The following WDR43 variants were observed in gnomAD, a reference collection of about 807,000 sequenced individuals.
WDR43 encodes the protein WD repeat-containing protein 43.
WDR43 carries 13 observed loss-of-function variants against 91.4 expected under a neutral mutation model. The ratio of observed to expected loss-of-function variants is 0.14; its 90% CI spans 0.09 to 0.23. The LOEUF (loss-of-function observed/expected upper bound fraction) is 0.23. Ranked by LOEUF, WDR43 falls within the 10% of genes least tolerant of loss-of-function variation. WDR43 has a pLI of 1.00. For missense variants in WDR43, 780 were observed against 809.4 expected (o/e 0.96, Z 0.44); for synonymous variants, 331 against 287.9 (o/e 1.15, Z -1.51).
chr2:28,908,288 A>G (rs1670723488), intron 3 of WDR43, among the ~76,000 whole-genome samples: 1 of 152,222 alleles, frequency 6.6e-6, no homozygotes, highest in African/African-American at 2.4e-5. Context: ...GATAAGACCC[A>G]GCAGACAGGG....
rs2148203288 is a variant in WDR43, at chr2:28,946,929, C to G, written c.*150C>G. 5.3e-6 allele frequency: 4 copies of G among 759,888 alleles called. No individual in the cohort carries two copies. Among genetic ancestry groups the G allele is most frequent in the East Asian group, 2.7e-5 (1 of 36,632 alleles). The allele number at this position is 759,888 out of a possible 1,614,324, so 47.1% of individuals were successfully genotyped here. A position where few individuals can be genotyped will look rare whatever the true frequency, so the allele number is the denominator to read the frequency against. On this transcript the variant is annotated 3_prime_UTR_variant, in exon 18 of 18. Coordinates refer to ENST00000407426, the MANE Select transcript of WDR43 (RefSeq NM_015131.3). ...ATGCCACTTTGCTGTCCTGAGCACC[C>G]CAGACTTGACTGTGTAAATAAGAGT...
In WDR43 at chr2:28,924,834, G is replaced by C. The variant is rs896584455; in HGVS notation, c.915-148G>C. 3.5e-5 allele frequency: 28 copies of C among 805,236 alleles called. 1 individual carries two copies. In the South Asian group the frequency reaches 4.9e-4, roughly 14 times the overall value. The allele number at this position is 805,236 out of a possible 1,614,324, so 49.9% of individuals were successfully genotyped here. A position where few individuals can be genotyped will look rare whatever the true frequency, so the allele number is the denominator to read the frequency against. ...AGAGGTAGGTGAGGTCTTGAAAGGAGTACTCATGCTCCGGAGACCCAGGTG... is the reference window on the plus strand; with the variant it reads ...AGAGGTAGGTGAGGTCTTGAAAGGACTACTCATGCTCCGGAGACCCAGGTG... On this transcript the variant is annotated intron_variant, in intron 7 of 17. Coordinates refer to ENST00000407426, the MANE Select transcript of WDR43 (RefSeq NM_015131.3).
chr2:28,926,982 T>C (rs1273466442), intron 9 of WDR43: 1 of 496,346 alleles, frequency 2.0e-6, no homozygotes, highest in East Asian at 5.6e-5. Context: ...AGGAGCATCA[T>C]CATGGTGCTC....
chr2:28,925,485 G>A (rs1265962861), intron 8 of WDR43, among the ~76,000 whole-genome samples: 1 of 152,190 alleles, frequency 6.6e-6, no homozygotes, highest in Non-Finnish European at 1.5e-5. Flanking sequence ...TGTTCCTAGT[G>A]TCTTACTAGT....
intron 3 of WDR43, among the ~76,000 whole-genome samples, chr2:28,909,964 A>C (rs1199002684): frequency 6.6e-6 from 1 of 152,218 alleles, no homozygotes; most frequent in East Asian, 1.9e-4. Context: ...AAGCCGTCAA[A>C]TGCCAATATG....
intron 9 of WDR43, chr2:28,927,001 A>G (rs572167044): frequency 1.8e-5 from 9 of 506,914 alleles, no homozygotes; most frequent in African/African-American, 7.7e-5. Flanking sequence ...TCCATTTTGC[A>G]TATAACTTGG....
chr2:28,914,034 A>G, intron 4 of WDR43, 35 bp from the exon 5 acceptor site: 1 of 1,609,256 alleles, frequency 6.2e-7, no homozygotes, highest in Non-Finnish European at 8.5e-7. Context: ...CCTGCTTTGA[A>G]TCTGCTCTCC....
At chr2:28,934,552 T>G (rs988548799) in intron 11 of WDR43, among the ~76,000 whole-genome samples, 2 of 152,218 alleles carry the variant, frequency 1.3e-5, no homozygotes, top group African/African-American at 4.8e-5. Flanking sequence ...TGAGGCTGAC[T>G]CCTCTGTTTA....
In WDR43 at chr2:28,912,583, A is replaced by T; in HGVS notation, c.486-7A>T. 5.0e-6 allele frequency: 8 copies of T among 1,611,140 alleles called. No individual in the cohort carries two copies. The highest frequency in any genetic ancestry group is 6.8e-6 in the Non-Finnish European group (8 of 1,178,152). ...TTGAGATGCTTTTTTTTCTCTTCAC[A>T]ATATAGCAAATGGAAAGGCGACAAT... is the stretch of plus-strand genomic sequence containing the variant. On this transcript the variant is annotated splice_polypyrimidine_tract_variant and splice_region_variant and intron_variant, in intron 3 of 17. Transcript: ENST00000407426.
At chr2:28,899,215 T>C (rs1200383664) in intron 1 of WDR43, among the ~76,000 whole-genome samples, 1 of 152,242 alleles carries the variant, frequency 6.6e-6, no homozygotes, top group Admixed American at 6.5e-5. Context: ...ACTTAATATA[T>C]TTATCTGTAT....
chr2:28,923,730 G>A (rs1319584124), intron 7 of WDR43, among the ~76,000 whole-genome samples: 2 of 152,034 alleles, frequency 1.3e-5, no homozygotes, highest in Non-Finnish European at 2.9e-5. Context: ...GCTCCTATAG[G>A]TAACTGTTAA....
intron 7 of WDR43, among the ~76,000 whole-genome samples, 179 bp downstream of exon 7, chr2:28,923,162 A>G (rs535430628): frequency 6.6e-6 from 1 of 152,312 alleles, no homozygotes; most frequent in African/African-American, 2.4e-5. Context: ...TCAAATTTAT[A>G]TATTTGTGAT....
Position 28,914,311 on chromosome 2 carries a change from A to T in WDR43, c.746+103A>T, listed in dbSNP as rs1670865333. The T allele has an allele frequency of 2.2e-6, 3 of 1,338,030 alleles. No homozygotes were observed. The Admixed American group carries it at 9.1e-5, about 40-fold the overall frequency. 82.9% of individuals were successfully genotyped at this position (1,338,030 alleles called of 1,614,324 possible). A position where few individuals can be genotyped will look rare whatever the true frequency, so the allele number is the denominator to read the frequency against. On this transcript the variant is annotated intron_variant, in intron 5 of 17. Transcript: ENST00000407426. ...TATGGGACTTTATTTGTTGTATCTAATGTTGGATTTACATTGAGTCATAAT... is the reference window on the plus strand; with the variant it reads ...TATGGGACTTTATTTGTTGTATCTATTGTTGGATTTACATTGAGTCATAAT...
Position 28,917,873 on chromosome 2 carries a change from T to A in WDR43, c.747-20T>A. On this transcript the variant is annotated intron_variant, in intron 5 of 17. Coordinates refer to ENST00000407426, the MANE Select transcript of WDR43 (RefSeq NM_015131.3). ...AATTAAATCTGTCTTGCTATCTAACTTGCTGGTTTTGTTATCTAGGCAGGT... is the reference window on the plus strand; with the variant it reads ...AATTAAATCTGTCTTGCTATCTAACATGCTGGTTTTGTTATCTAGGCAGGT... 6.4e-7 allele frequency: 1 copy of A among 1,556,540 alleles called. No homozygotes were observed. The highest frequency in any genetic ancestry group is 8.7e-7 in the Non-Finnish European group (1 of 1,149,660).
At chr2:28,926,981 A>G in intron 9 of WDR43, 1 of 495,388 alleles carries the variant, frequency 2.0e-6, no homozygotes, top group Non-Finnish European at 4.1e-6. Flanking sequence ...TAGGAGCATC[A>G]TCATGGTGCT....
chr2:28,934,658 C>T (rs192584344), intron 11 of WDR43, among the ~76,000 whole-genome samples: 2 of 152,274 alleles, frequency 1.3e-5, no homozygotes, highest in East Asian at 1.9e-4. Flanking sequence ...GTCAAAGCTG[C>T]AGTGAGCTGT....
intron 11 of WDR43, 21 bp from the exon 12 acceptor site, chr2:28,935,500 A>G: frequency 6.5e-7 from 1 of 1,535,574 alleles, no homozygotes; most frequent in Non-Finnish European, 8.9e-7. Flanking sequence ...TCATCTTAAT[A>G]ATCCTTTTAT....
intron 6 of WDR43, among the ~76,000 whole-genome samples, chr2:28,918,711 C>T (rs1264240579): frequency 6.6e-6 from 1 of 152,038 alleles, no homozygotes. Context: ...CTCTTGTTTG[C>T]TGCCTATAAA....
intron 6 of WDR43, among the ~76,000 whole-genome samples, chr2:28,919,017 T>A (rs1670969664): frequency 6.6e-6 from 1 of 152,210 alleles, no homozygotes; most frequent in African/African-American, 2.4e-5. Flanking sequence ...GTTTAATGTT[T>A]CTGGCTGGGT....
Sources: gnomAD v4.1 joint callset for allele counts (sites outside exome capture counted in the v4.1 genomes callset) on GRCh38, gnomAD v4.1.1 for gene constraint, MANE v1.5 for transcripts, NCBI Gene and HGNC (gene_info 2026-07-23, HGNC 2026-07-21) for gene names.